Variants in HP1BP3 observed in about 807,000 individuals in gnomAD.
HP1BP3 encodes heterochromatin protein 1 binding protein 3, also known as heterochromatin protein 1-binding protein 3.
HP1BP3 carries 12 observed loss-of-function variants against 62.5 expected under a neutral mutation model. The observed-to-expected ratio is 0.19, with a 90% CI of 0.12 to 0.31. The LOEUF (loss-of-function observed/expected upper bound fraction) is 0.31. Ranked by LOEUF, HP1BP3 falls within the 10% of genes least tolerant of loss-of-function variation. HP1BP3 has a pLI of 1.00. For missense variants in HP1BP3, 502 were observed against 651.8 expected (o/e 0.77, Z 2.50); for synonymous variants, 260 against 237.8 (o/e 1.09, Z -0.86).
At chr1:20,768,605 C>T (rs1248264153) in intron 6 of HP1BP3, among the ~76,000 whole-genome samples, 1 of 152,030 alleles carries the variant, frequency 6.6e-6, no homozygotes, top group Admixed American at 6.6e-5. Context: ...TTTGGAAGGC[C>T]GAGGTGGGCA....
intron 8 of HP1BP3, among the ~76,000 whole-genome samples, chr1:20,765,175 T>TAAAAAA (rs4057761): frequency 3.5e-5 from 2 of 57,352 alleles, no homozygotes; most frequent in Non-Finnish European, 6.9e-5. Flanking sequence ...CTCAAAAAAC[T>TAAAAAA]AAAAAAAAAA....
intron 1 of HP1BP3, among the ~76,000 whole-genome samples, chr1:20,783,537 A>AT (rs889551712): frequency 4.0e-5 from 6 of 149,214 alleles, no homozygotes; most frequent in Non-Finnish European, 7.5e-5. Flanking sequence ...AACAACAACA[A>AT]TTTAAAAAAA....
In HP1BP3 at chr1:20,766,659, T is replaced by C. The variant is rs539754983; in HGVS notation, c.735+925A>G. On this transcript the variant is annotated intron_variant, in intron 7 of 12. Transcript: ENST00000438032. ...ATTTGGTAAAAATGTACTTTTAGGC[T>C]GGGCATGGTGTGGTTCACATCTATC... 3.9e-5 allele frequency among the ~76,000 whole-genome samples: 6 copies of C among 152,324 alleles called. No homozygotes were observed. The South Asian group carries it at 1.0e-3, about 26-fold the overall frequency.
intron 10 of HP1BP3, among the ~76,000 whole-genome samples, chr1:20,748,185 C>G (rs1487187900): frequency 6.6e-6 from 1 of 152,056 alleles, no homozygotes; most frequent in East Asian, 1.9e-4. Context: ...TTAATTATTT[C>G]CATTCACTTA....
At chr1:20,753,590 T>TTTTTGTG (rs2055914261) in intron 9 of HP1BP3, among the ~76,000 whole-genome samples, 1 of 152,210 alleles carries the variant, frequency 6.6e-6, no homozygotes, top group Admixed American at 6.5e-5. Context: ...GACCAATGTA[T>TTTTTGTG]CGTGCTACAA....
intron 3 of HP1BP3, among the ~76,000 whole-genome samples, chr1:20,779,477 C>A (rs1299354625): frequency 5.3e-5 from 8 of 152,142 alleles, no homozygotes; most frequent in African/African-American, 1.9e-4. Context: ...TAAAGGCCCA[C>A]GTTTTCCATT....
At chr1:20,780,624 G>GA (rs988829115) in intron 1 of HP1BP3, 84 bp from the exon 2 acceptor site, 2 of 563,850 alleles carry the variant, frequency 3.5e-6, no homozygotes, top group Admixed American at 3.0e-5. Context: ...CATCCAAAGG[G>GA]AAAAAATATA....
At chr1:20,779,308 C>T (rs1423903225) in intron 3 of HP1BP3, among the ~76,000 whole-genome samples, 1 of 152,174 alleles carries the variant, frequency 6.6e-6, no homozygotes, top group Non-Finnish European at 1.5e-5. Flanking sequence ...AGCATTAGTA[C>T]TCCATGTTGA....
intron 6 of HP1BP3, among the ~76,000 whole-genome samples, chr1:20,769,630 G>T (rs1222785069): frequency 6.6e-6 from 1 of 152,032 alleles, no homozygotes; most frequent in Non-Finnish European, 1.5e-5. Flanking sequence ...TGTTGCCCAG[G>T]CTGGTCTCAA....
chr1:20,761,067 C>T (rs1005424435), intron 8 of HP1BP3, among the ~76,000 whole-genome samples: 7 of 151,960 alleles, frequency 4.6e-5, no homozygotes, highest in South Asian at 2.1e-4. Context: ...TATTTGGAGA[C>T]GGAGCCTCAC....
rs569423180 is a variant in HP1BP3 at position 20,763,341 on chromosome 1, A to G, written c.890+2036T>C. Among the ~76,000 whole-genome samples, 8 of 152,362 alleles carry G rather than the reference A, an allele frequency of 5.3e-5. No individual in the cohort carries two copies. In the East Asian group the frequency reaches 9.6e-4, roughly 18 times the overall value. ...TGCCTACTACCACTATACTCAGCAT[A>G]TAAGAAGCATGAAAATATCAGCACA... On this transcript the variant is annotated intron_variant, in intron 8 of 12. Transcript: ENST00000438032.
intron 8 of HP1BP3, among the ~76,000 whole-genome samples, chr1:20,759,880 ATTTTTTTTTTTT>A (rs71014104): frequency 8.8e-6 from 1 of 113,016 alleles, no homozygotes; most frequent in East Asian, 2.5e-4. Context: ...TTAAAGACCG[ATTTTTTTTTTTT>A]TTTTTTTTTG....
rs753577033 is a variant in HP1BP3, at chr1:20,744,881, CTTCT to C, written c.1574_1577del (p.Lys525SerfsTer10). On this transcript the variant is annotated frameshift_variant, in exon 13 of 13. Transcript: ENST00000438032. LOFTEE classifies it high-confidence loss of function. ...CTTCCTTTCTTGCACTGGTTGCAGG[CTTCT>C]TTGAGGAGCCACCACTAGGTTTCTT... 1 of 1,614,196 alleles carries C rather than the reference CTTCT, an allele frequency of 6.2e-7. No individual in the cohort carries two copies. Among genetic ancestry groups the C allele is most frequent in the Non-Finnish European group, 8.5e-7 (1 of 1,180,036 alleles).
At chr1:20,768,435 T>C (rs936356379) in intron 6 of HP1BP3, among the ~76,000 whole-genome samples, 7 of 152,114 alleles carry the variant, frequency 4.6e-5, no homozygotes, top group African/African-American at 1.7e-4. Flanking sequence ...GACAGAGCGA[T>C]ACTCCGTCTC....
intron 7 of HP1BP3, 100 bp downstream of exon 7, chr1:20,767,484 T>A (rs1025251531): frequency 9.5e-6 from 8 of 840,598 alleles, no homozygotes; most frequent in Non-Finnish European, 1.6e-5. Context: ...AGGCTGAACC[T>A]TGCATAGTGC....
At chr1:20,745,126 TAC>T (rs757060932) in intron 12 of HP1BP3, 35 bp from the exon 13 acceptor site, 61 of 1,555,608 alleles carry the variant, frequency 3.9e-5, no homozygotes, top group Non-Finnish European at 5.2e-5. Context: ...CGTCATTTAG[TAC>T]TTAAGAGATT....
chr1:20,785,892 G>A (rs1054381837), intron 1 of HP1BP3, among the ~76,000 whole-genome samples: 1 of 152,194 alleles, frequency 6.6e-6, no homozygotes, highest in East Asian at 1.9e-4. Context: ...CAAAATTAGA[G>A]CACCTTTCAA....
intron 11 of HP1BP3, among the ~76,000 whole-genome samples, chr1:20,746,746 A>G (rs1483136861): frequency 6.6e-6 from 1 of 152,176 alleles, no homozygotes; most frequent in Non-Finnish European, 1.5e-5. Flanking sequence ...TGGACAATTA[A>G]AACTTATGCA....
chr1:20,759,880 A>ATT (rs71014104), intron 8 of HP1BP3, among the ~76,000 whole-genome samples: 38,531 of 112,968 alleles, frequency 0.34, 6,841 homozygotes, highest in Non-Finnish European at 0.41. Flanking sequence ...TTAAAGACCG[A>ATT]TTTTTTTTTT....
Sources: allele counts gnomAD v4.1 joint callset (sites outside exome capture counted in the v4.1 genomes callset), GRCh38; gene constraint gnomAD v4.1.1; transcripts MANE v1.5; gene names NCBI Gene and HGNC (gene_info 2026-07-23, HGNC 2026-07-21).